The following SERINC5 variants were observed in gnomAD, a reference collection of about 807,000 sequenced individuals.
The protein encoded by SERINC5 is chromosome 5 open reading frame 12.
SERINC5 carries 41 observed loss-of-function variants against 63.1 expected under a neutral mutation model. The ratio of observed to expected loss-of-function variants is 0.65; its 90% CI spans 0.51 to 0.84. SERINC5 has a LOEUF of 0.84. SERINC5 is among the 40% of genes least tolerant of loss of function. SERINC5 has a pLI of 0.00. For missense variants in SERINC5, 523 were observed against 573.0 expected (o/e 0.91, Z 0.89); for synonymous variants, 222 against 215.2 (o/e 1.03, Z -0.28).
chr5:80,205,990 A>G (rs1750142089), intron 1 of SERINC5, among the ~76,000 whole-genome samples: 2 of 151,486 alleles, frequency 1.3e-5, no homozygotes, highest in Non-Finnish European at 3.0e-5. Flanking sequence ...AAAAAAAAAA[A>G]AAAAACCTCA....
In SERINC5 at chr5:80,150,954, A is replaced by G. The variant is rs1397161230; in HGVS notation, c.987-6T>C. ...ATCTTGTTGTTGATGTCAAACTAAGAAACAGACAAAAACGTCAGCTGGGCA... is the reference window on the plus strand; with the variant it reads ...ATCTTGTTGTTGATGTCAAACTAAGGAACAGACAAAAACGTCAGCTGGGCA... On this transcript the variant is annotated splice_region_variant and splice_polypyrimidine_tract_variant and intron_variant, in intron 8 of 11. Transcript: ENST00000507668. 3 of 1,609,768 alleles carry G rather than the reference A, an allele frequency of 1.9e-6. No homozygotes were observed. The highest frequency in any genetic ancestry group is 2.2e-5 in the South Asian group (2 of 90,986).
At chr5:80,133,447 G>A (rs973742697) in intron 11 of SERINC5, among the ~76,000 whole-genome samples, 6 of 152,176 alleles carry the variant, frequency 3.9e-5, no homozygotes, top group African/African-American at 1.4e-4. Context: ...TTCATGAACT[G>A]GCTAAGGACA....
At chr5:80,208,926 C>G (rs1164011988) in intron 1 of SERINC5, among the ~76,000 whole-genome samples, 1 of 152,176 alleles carries the variant, frequency 6.6e-6, no homozygotes, top group Non-Finnish European at 1.5e-5. Context: ...AAGTACTAAA[C>G]CCTAGTACCT....
chr5:80,221,791 G>GC (rs1554069929), intron 1 of SERINC5, among the ~76,000 whole-genome samples: 6 of 93,798 alleles, frequency 6.4e-5, no homozygotes, highest in Non-Finnish European at 1.3e-4. Context: ...GACAACTTTA[G>GC]CAAAAAAAAA....
intron 2 of SERINC5, among the ~76,000 whole-genome samples, chr5:80,182,148 G>A: frequency 6.6e-6 from 1 of 152,136 alleles, no homozygotes; most frequent in South Asian, 2.1e-4. Context: ...TTGGCTCCCT[G>A]GGAACTCCAC....
In SERINC5 at chr5:80,160,211, T is replaced by G. The variant is rs544007944; in HGVS notation, c.860-1249A>C. On this transcript the variant is annotated intron_variant, in intron 7 of 11. Coordinates refer to ENST00000507668, the MANE Select transcript of SERINC5 (RefSeq NM_001174072.3). ...CTGATGTCCACTGCCTGCTTGCTGG[T>G]GGGGAGAAATCTCCACTTATTTTAG... 6.6e-5 allele frequency among the ~76,000 whole-genome samples: 10 copies of G among 152,336 alleles called. No individual in the cohort carries two copies. The South Asian group carries it at 1.2e-3, about 19-fold the overall frequency.
intron 11 of SERINC5, among the ~76,000 whole-genome samples, chr5:80,127,550 C>T (rs1459251997): frequency 6.6e-6 from 1 of 152,166 alleles, no homozygotes; most frequent in East Asian, 1.9e-4. Context: ...CACCTACCTC[C>T]AAAATGTCAT....
At chr5:80,151,017 C>T in intron 8 of SERINC5, 69 bp from the exon 9 acceptor site, 1 of 1,192,476 alleles carries the variant, frequency 8.4e-7, no homozygotes, top group Non-Finnish European at 1.3e-6. Context: ...AAGGGGAAAG[C>T]CGGCTGGCCA....
rs139700924 is a variant in SERINC5, at chr5:80,230,885, T to C, written c.27+25011A>G. Among the ~76,000 whole-genome samples the C allele has an allele frequency of 1.3e-4, 20 of 152,314 alleles. 1 individual carries two copies. The East Asian group carries it at 3.9e-3, about 29-fold the overall frequency. ...TGGAGTGCAGTGGCACGATCACAGC[T>C]CACTGCAGCCTCAACCTCCTGGGCT... On this transcript the variant is annotated intron_variant, in intron 1 of 11. Transcript: ENST00000507668.
intron 11 of SERINC5, among the ~76,000 whole-genome samples, chr5:80,123,711 A>G (rs1016171238): frequency 1.3e-5 from 2 of 152,184 alleles, no homozygotes; most frequent in Non-Finnish European, 2.9e-5. Context: ...TCAAAGCCCA[A>G]TGTGCTCACC....
At chr5:80,211,741 T>C (rs984679443) in intron 1 of SERINC5, among the ~76,000 whole-genome samples, 1 of 152,248 alleles carries the variant, frequency 6.6e-6, no homozygotes, top group Non-Finnish European at 1.5e-5. Context: ...CATCACTCTA[T>C]TGCTGCATGG....
chr5:80,232,914 C>T (rs185886723), intron 1 of SERINC5, among the ~76,000 whole-genome samples: 4 of 152,214 alleles, frequency 2.6e-5, no homozygotes, highest in East Asian at 1.9e-4. Context: ...GAAACGTCTA[C>T]AAAAGCCCAT....
intron 1 of SERINC5, among the ~76,000 whole-genome samples, chr5:80,218,548 G>A (rs6894705): frequency 0.19 from 28,194 of 151,748 alleles, 3,260 homozygotes; most frequent in African/African-American, 0.33. Flanking sequence ...GGTGGCACGT[G>A]CCTGTAATCC....
In SERINC5 at chr5:80,177,897, A is replaced by G. The variant is rs772346011; in HGVS notation, c.363T>C (p.His121=). Residue 121 remains histidine, a synonymous_variant, in exon 3 of 12, where the codon CAT becomes CAC. Coordinates refer to ENST00000507668, the MANE Select transcript of SERINC5 (RefSeq NM_001174072.3). The part of the protein sequence containing the change: ...KINNSKSCRA[H]IHNGFWFFKL... ...ACTAAAATACTTACCCATTGTGAAT[A>G]TGAGCTCTACAACTTTTGCTGTTGT... 1.9e-6 allele frequency: 3 copies of G among 1,608,750 alleles called. No homozygotes were observed. Among genetic ancestry groups the G allele is most frequent in the Non-Finnish European group, 2.5e-6 (3 of 1,177,914 alleles).
chr5:80,119,800 G>A (rs1430737461), intron 11 of SERINC5, among the ~76,000 whole-genome samples: 1 of 152,176 alleles, frequency 6.6e-6, no homozygotes, highest in African/African-American at 2.4e-5. Flanking sequence ...CCTCTACCAG[G>A]CTGGTTAAAC....
At chr5:80,255,665 G>A in intron 1 of SERINC5, among the ~76,000 whole-genome samples, 1 of 152,160 alleles carries the variant, frequency 6.6e-6, no homozygotes, top group African/African-American at 2.4e-5. Context: ...CCCGGAGGCC[G>A]GACGGGAAGA....
At chr5:80,244,136 C>T (rs1189205702) in intron 1 of SERINC5, among the ~76,000 whole-genome samples, 3 of 152,082 alleles carry the variant, frequency 2.0e-5, no homozygotes, top group Admixed American at 6.6e-5. Flanking sequence ...ATAACCTCCC[C>T]TCCCTGGCTT....
intron 2 of SERINC5, among the ~76,000 whole-genome samples, chr5:80,202,351 A>T (rs1749890871): frequency 6.6e-6 from 1 of 152,206 alleles, no homozygotes; most frequent in Non-Finnish European, 1.5e-5. Context: ...CAATGCTAAG[A>T]TAAAATACAC....
At chr5:80,252,221 C>T (rs942405181) in intron 1 of SERINC5, among the ~76,000 whole-genome samples, 2 of 152,036 alleles carry the variant, frequency 1.3e-5, no homozygotes, top group Admixed American at 6.6e-5. Flanking sequence ...CACCATCACG[C>T]CTGGCTAATT....
Sources: gnomAD v4.1 joint callset for allele counts (sites outside exome capture counted in the v4.1 genomes callset) on GRCh38, gnomAD v4.1.1 for gene constraint, MANE v1.5 for transcripts, NCBI Gene and HGNC (gene_info 2026-07-23, HGNC 2026-07-21) for gene names.